The following MAP4K1 variants were observed in gnomAD, a reference collection of about 807,000 sequenced individuals.
MAP4K1 encodes mitogen-activated protein kinase kinase kinase kinase 1, also known as MAPK/ERK kinase kinase kinase 1.
Under a neutral mutation model 122.8 loss-of-function variants are expected in MAP4K1, and 35 were observed. The observed-to-expected ratio is 0.29, with a 90% CI of 0.22 to 0.38. MAP4K1 has a LOEUF of 0.38. Among genes scored for constraint, MAP4K1 ranks in the 10% least tolerant of loss-of-function variants. The pLI is 1.00. For synonymous variants in MAP4K1, 412 were observed against 421.3 expected, an observed-to-expected ratio of 0.98 and a Z score of 0.27; for missense variants, 791 against 1,072.6, an observed-to-expected ratio of 0.74 and a Z score of 3.67.
intron 30 of MAP4K1, among the ~76,000 whole-genome samples, chr19:38,591,411 G>A (rs545923531): frequency 1.3e-5 from 2 of 150,384 alleles, no homozygotes; most frequent in Non-Finnish European, 3.0e-5. Flanking sequence ...TGCAACTGTA[G>A]TCCCAGCTAC....
intron 19 of MAP4K1, among the ~76,000 whole-genome samples, chr19:38,602,565 CATATATACAT>C (rs201958935): frequency 6.9e-6 from 1 of 145,334 alleles, no homozygotes; most frequent in Non-Finnish European, 1.5e-5. Context: ...CACACATATA[CATATATACAT>C]ATATATACAC....
At chr19:38,603,986 A>G (rs1441625287) in intron 19 of MAP4K1, among the ~76,000 whole-genome samples, 2 of 124,212 alleles carry the variant, frequency 1.6e-5, no homozygotes, top group African/African-American at 3.1e-5. Context: ...TCCATCTCAG[A>G]AAAAAAAAAA....
chr19:38,604,744 C>G (rs1025790304), intron 19 of MAP4K1, among the ~76,000 whole-genome samples: 16 of 149,402 alleles, frequency 1.1e-4, no homozygotes, highest in Non-Finnish European at 2.2e-4. Flanking sequence ...GAGCCGAGAT[C>G]GCGCCACTGC....
At chr19:38,614,183 G>A in intron 6 of MAP4K1, 62 bp downstream of exon 6, 1 of 1,609,388 alleles carries the variant, frequency 6.2e-7, no homozygotes, top group Admixed American at 1.7e-5. Flanking sequence ...CTGAGCCCCT[G>A]AAATGCCACT....
At chr19:38,603,129 C>T (rs749613894) in intron 19 of MAP4K1, among the ~76,000 whole-genome samples, 2 of 115,378 alleles carry the variant, frequency 1.7e-5, no homozygotes, top group African/African-American at 3.3e-5. Flanking sequence ...TACATATATA[C>T]GCATATACAT....
At chr19:38,599,012 CAA>C (rs944497385) in intron 22 of MAP4K1, among the ~76,000 whole-genome samples, 2 of 38,000 alleles carry the variant, frequency 5.3e-5, no homozygotes, top group East Asian at 8.1e-4. Flanking sequence ...GAGTCTATCT[CAA>C]AAAAAAAAAA....
chr19:38,617,797 C>A lies in MAP4K1; in HGVS notation c.99G>T (p.Lys33Asn). 1 of 1,614,068 alleles carries A rather than the reference C, an allele frequency of 6.2e-7. No homozygotes were observed. Among genetic ancestry groups the A allele is most frequent in the Non-Finnish European group, 8.5e-7 (1 of 1,179,966 alleles). Residue 33 changes from lysine (K) to asparagine (N), a missense_variant and splice_region_variant, in exon 1 of 31, where the codon AAG (lysine) becomes AAT (asparagine). Around this residue, in one of 4 missense-constraint regions of MAP4K1, gnomAD observed 163 missense variants for 286.1 expected, o/e 0.57. Transcript: ENST00000396857. The surrounding 1 kb of genome is among the most constrained non-coding windows in gnomAD (Gnocchi z 4.1). The part of the protein sequence containing the change: ...LGGGTYGEVF[K>N]ARDKVSGDLV... Reference sequence around the variant, plus strand: ...GTTGGGGACAGAGGGGCTTCCTCACCTTAAAGACTTCCCCATACGTGCCGC... The same window carrying A: ...GTTGGGGACAGAGGGGCTTCCTCACATTAAAGACTTCCCCATACGTGCCGC...
intron 20 of MAP4K1, 148 bp from the exon 21 acceptor site, chr19:38,600,301 CCAAA>C (rs946718895): frequency 7.4e-6 from 5 of 677,424 alleles, no homozygotes; most frequent in South Asian, 5.4e-5. Context: ...CTCTGTTTCC[CCAAA>C]CAAAGCCAGA....
In MAP4K1 at chr19:38,600,066, TG is replaced by T; in HGVS notation, c.1608+10del. 1.2e-6 allele frequency: 2 copies of T among 1,614,174 alleles called. No homozygotes were observed. The highest frequency in any genetic ancestry group is 1.7e-6 in the Non-Finnish European group (2 of 1,180,024). On this transcript the variant is annotated intron_variant, in intron 21 of 30. Transcript: ENST00000396857. Reference sequence around the variant, plus strand: ...CCCTTGCCCTTGCCCTGGCCCGGTATGGTTCCTCACCATTTCCAGCGTGGCC... The same window carrying T: ...CCCTTGCCCTTGCCCTGGCCCGGTATGTTCCTCACCATTTCCAGCGTGGCC...
intron 22 of MAP4K1, among the ~76,000 whole-genome samples, chr19:38,599,012 CAAAA>C (rs944497385): frequency 2.6e-5 from 1 of 38,006 alleles, no homozygotes; most frequent in Non-Finnish European, 5.0e-5. Flanking sequence ...GAGTCTATCT[CAAAA>C]AAAAAAAAAA....
chr19:38,600,511 T>C (rs1039019593), intron 20 of MAP4K1, among the ~76,000 whole-genome samples: 2 of 152,098 alleles, frequency 1.3e-5, no homozygotes, highest in African/African-American at 4.8e-5. Flanking sequence ...AACATTGACC[T>C]TCAAACTCAG....
chr19:38,594,922 CAG>C (rs1974824074), intron 29 of MAP4K1, among the ~76,000 whole-genome samples: 1 of 151,558 alleles, frequency 6.6e-6, no homozygotes, highest in Non-Finnish European at 1.5e-5. Flanking sequence ...GCCTGGGTGA[CAG>C]AGCAAGAATC....
At chr19:38,594,185 A>G (rs1051410454) in intron 29 of MAP4K1, among the ~76,000 whole-genome samples, 2 of 152,132 alleles carry the variant, frequency 1.3e-5, no homozygotes, top group African/African-American at 2.4e-5. Context: ...ATTGGGACTC[A>G]AGAAATCCAA....
intron 19 of MAP4K1, among the ~76,000 whole-genome samples, chr19:38,602,041 G>A (rs545056345): frequency 7.3e-4 from 111 of 151,238 alleles, no homozygotes; most frequent in Non-Finnish European, 1.2e-3. Flanking sequence ...GCCTCCCAAA[G>A]TGCTGAGATT....
intron 11 of MAP4K1, 77 bp from the exon 12 acceptor site, chr19:38,610,102 T>TGTGG: frequency 9.8e-6 from 10 of 1,022,806 alleles, no homozygotes; most frequent in Middle Eastern, 2.1e-4. Flanking sequence ...AGAGGACTGG[T>TGTGG]ACAGGGCCTT....
At position 38,596,368 on chromosome 19, in the gene MAP4K1, A is replaced by G; in HGVS notation, c.2060T>C (p.Leu687Pro). Residue 687 changes from leucine to proline, a missense_variant, in exon 26 of 31, where the codon CTC becomes CCC. This residue lies in a region of MAP4K1 where 267 missense variants were observed against 323.0 expected (regional missense o/e 0.83). Transcript: ENST00000396857. Reference sequence around the variant, plus strand: ...CGCGCCAAAGCGCACCGTGTGGAAGAGCACCGACTTCCCCGGCCGCCCGGG... The same window carrying G: ...CGCGCCAAAGCGCACCGTGTGGAAGGGCACCGACTTCCCCGGCCGCCCGGG... ...VSPGRPGKSV[L>P]FHTVRFGALS... The G allele has an allele frequency of 6.2e-7, 1 of 1,602,092 alleles. No homozygotes were observed. Among genetic ancestry groups the G allele is most frequent in the Non-Finnish European group, 8.5e-7 (1 of 1,176,620 alleles).
chr19:38,609,625 G>A lies in MAP4K1; in HGVS notation c.977C>T (p.Ser326Phe), dbSNP rs369421249. Reference protein sequence around the residue: ...RRIRSTHRSSSLGIPDADCCR... With the variant: ...RRIRSTHRSSFLGIPDADCCR... ...GCAGTCTGCATCTGGGATCCCCAGA[G>A]AGCTGGAGCGGTGGGTGGATCTGAT... Residue 326 changes from serine (S) to phenylalanine (F), a missense_variant, in exon 13 of 31, where the codon TCT becomes TTT. Coordinates refer to ENST00000396857, the MANE Select transcript of MAP4K1 (RefSeq NM_001042600.3). The A allele has an allele frequency of 2.2e-5, 35 of 1,613,818 alleles. No homozygotes were observed. The highest frequency in any genetic ancestry group is 3.0e-5 in the Non-Finnish European group (35 of 1,179,960).
At chr19:38,607,950 A>G in intron 15 of MAP4K1, 39 bp from the exon 16 acceptor site, 2 of 1,611,928 alleles carry the variant, frequency 1.2e-6, no homozygotes, top group Non-Finnish European at 1.7e-6. Flanking sequence ...GGCCTTGTCC[A>G]CATTCCAGCC....
chr19:38,615,382 CACAGAG>C (rs1386858317), intron 4 of MAP4K1, among the ~76,000 whole-genome samples: 1 of 150,714 alleles, frequency 6.6e-6, no homozygotes, highest in Non-Finnish European at 1.5e-5. Flanking sequence ...TAAGGAAAGG[CACAGAG>C]ACAGAGAGAG....
Sources: allele counts gnomAD v4.1 joint callset (sites outside exome capture counted in the v4.1 genomes callset), GRCh38; gene constraint gnomAD v4.1.1; regional missense constraint gnomAD v4.1.1; non-coding constraint Gnocchi (gnomAD v3.1); transcripts MANE v1.5; gene names NCBI Gene and HGNC (gene_info 2026-07-23, HGNC 2026-07-21).